Variants in NXPE1 observed in about 807,000 individuals in gnomAD.
NXPE1 encodes NXPE family member 1.
A neutral mutation model predicts 33.3 loss-of-function variants in NXPE1; 31 were observed. The ratio of observed to expected loss-of-function variants is 0.93; its 90% confidence interval spans 0.70 to 1.26. The LOEUF (loss-of-function observed/expected upper bound fraction) is 1.26, where lower values mean the gene tolerates loss of function less well. Among genes scored for constraint, NXPE1 ranks in the 50% most tolerant of loss-of-function variants. The pLI, the probability that NXPE1 is intolerant of heterozygous loss-of-function variation, is 0.00. For missense variants in NXPE1, 661 were observed against 655.6 expected (o/e 1.01, Z -0.09); for synonymous variants, 229 against 231.4 (o/e 0.99, Z 0.09).
chr11:114,550,426 A>G (rs1421716727), intron 5 of NXPE1, among the ~76,000 whole-genome samples: 8 of 152,194 alleles, frequency 5.3e-5, no homozygotes, highest in South Asian at 4.1e-4. Context: ...CTCATTATAT[A>G]TACAAATTTA....
intron 1 of NXPE1, chr11:114,554,542 T>C (rs1157313789): frequency 8.2e-6 from 2 of 244,982 alleles, no homozygotes; most frequent in Non-Finnish European, 1.3e-5. Flanking sequence ...TATCAACATT[T>C]TAAATAAACT....
downstream of NXPE1, among the ~76,000 whole-genome samples, chr11:114,520,379 C>T (rs2134880410): frequency 6.6e-6 from 1 of 152,224 alleles, no homozygotes; most frequent in South Asian, 2.1e-4. Context: ...TTCTTTCCTT[C>T]AATATTGTTA....
chr11:114,531,054 C>T, intron 5 of NXPE1, 146 bp from the exon 6 acceptor site: 1 of 721,088 alleles, frequency 1.4e-6, no homozygotes, highest in Non-Finnish European at 2.0e-6. Flanking sequence ...AATAAAGTGG[C>T]ATAATAAACC....
At chr11:114,519,088 C>T (rs1317585706), downstream of NXPE1, among the ~76,000 whole-genome samples, 1 of 152,142 alleles carries the variant, frequency 6.6e-6, no homozygotes, top group African/African-American at 2.4e-5. Context: ...CATAATGTGA[C>T]CAATTGACCC....
chr11:114,554,653 T>C (rs1948607290), intron 1 of NXPE1, among the ~76,000 whole-genome samples: 1 of 152,190 alleles, frequency 6.6e-6, no homozygotes, highest in African/African-American at 2.4e-5. Context: ...GCAATAATAA[T>C]TATGAGTGAT....
rs200711355 is a variant in NXPE1 at position 114,530,289 on chromosome 11, T to G, written c.719A>C (p.Glu240Ala). The G allele has an allele frequency of 6.2e-7, 1 of 1,614,226 alleles. No individual in the cohort carries two copies. The highest frequency in any genetic ancestry group is 2.2e-5 in the East Asian group (1 of 44,880). Reference sequence around the variant, plus strand: ...TTGAGGCTTCATACAATAGAAGGCTTCTTGGTCTCTGTCATCCAGATATTC... The same window carrying G: ...TTGAGGCTTCATACAATAGAAGGCTGCTTGGTCTCTGTCATCCAGATATTC... Residue 240 changes from glutamate to alanine, a missense_variant, in exon 6 of 9, where the codon GAA (glutamate) becomes GCA (alanine). Coordinates refer to ENST00000534921, the Ensembl canonical transcript of NXPE1.
At position 114,533,209 on chromosome 11, in the gene NXPE1, T is replaced by A. The variant is rs149987316; in HGVS notation, c.100-2301A>T. Among the ~76,000 whole-genome samples the A allele has an allele frequency of 2.8e-3, 432 of 152,268 alleles. 1 individual carries two copies. Among genetic ancestry groups the A allele is most frequent in the African/African-American group, 9.6e-3 (400 of 41,546 alleles). On this transcript the variant is annotated intron_variant, in intron 5 of 8. Coordinates refer to ENST00000534921, the Ensembl canonical transcript of NXPE1. ...TGACTGTTTGCAAAGAAACCAGAGT[T>A]AGCAAATTATTAGTATTAAGATAGC...
intron 5 of NXPE1, among the ~76,000 whole-genome samples, chr11:114,538,045 T>C (rs1385469712): frequency 6.6e-6 from 1 of 152,174 alleles, no homozygotes; most frequent in Non-Finnish European, 1.5e-5. Context: ...AAGGCTACAG[T>C]AACCAAAACA....
In NXPE1 at chr11:114,542,143, A is replaced by G. The variant is rs185378152; in HGVS notation, c.99+8960T>C. Among the ~76,000 whole-genome samples the G allele has an allele frequency of 3.0e-3, 455 of 152,280 alleles. 3 individuals carry two copies. Among genetic ancestry groups the G allele is most frequent in the African/African-American group, 0.011 (441 of 41,554 alleles). On this transcript the variant is annotated intron_variant, in intron 5 of 8. Coordinates refer to ENST00000534921, the Ensembl canonical transcript of NXPE1. Reference sequence around the variant, plus strand: ...CTTTGTAAATTGTTCCTTATGTAGCATCTCACTTTATCCTTATTTATGTCT... The same window carrying G: ...CTTTGTAAATTGTTCCTTATGTAGCGTCTCACTTTATCCTTATTTATGTCT...
chr11:114,542,787 T>A (rs1229240397), intron 5 of NXPE1, among the ~76,000 whole-genome samples: 1 of 152,066 alleles, frequency 6.6e-6, no homozygotes, highest in African/African-American at 2.4e-5. Context: ...AAAATAAACA[T>A]AATCATTAGA....
intron 1 of NXPE1, among the ~76,000 whole-genome samples, chr11:114,557,630 AATACATATAT>A (rs1948683010): frequency 3.9e-5 from 3 of 77,014 alleles, no homozygotes; most frequent in Admixed American, 2.0e-4. Flanking sequence ...TATTATATAT[AATACATATAT>A]ATATATATAT....
intron 2 of NXPE1, among the ~76,000 whole-genome samples, chr11:114,552,386 C>T (rs969441348): frequency 6.6e-6 from 1 of 152,092 alleles, no homozygotes; most frequent in Non-Finnish European, 1.5e-5. Flanking sequence ...TTCCAAAAGA[C>T]TGTCAATTTC....
exon 6 of NXPE1, chr11:114,530,608 A>G (rs1947544297): frequency 1.2e-6 from 2 of 1,613,890 alleles, no homozygotes; most frequent in Non-Finnish European, 1.7e-6. Flanking sequence ...TCCCCACCAT[A>G]TTGCTTCCTC....
At chr11:114,521,466 A>C (rs923986340), downstream of NXPE1, among the ~76,000 whole-genome samples, 1 of 152,222 alleles carries the variant, frequency 6.6e-6, no homozygotes, top group Non-Finnish European at 1.5e-5. Context: ...TGGCATAACA[A>C]GATGTCCAGG....
rs1591259562 is a variant in NXPE1 at position 114,527,748 on chromosome 11, G to A, written c.895+92C>T. 9 of 765,974 alleles carry A rather than the reference G, an allele frequency of 1.2e-5. No homozygotes were observed. In the East Asian group the frequency reaches 2.4e-4, roughly 21 times the overall value. 47.4% of individuals were successfully genotyped at this position (765,974 alleles called of 1,614,324 possible). A position where few individuals can be genotyped will look rare whatever the true frequency, so the allele number is the denominator to read the frequency against. ...GATTGACATCATAGACATCTGCTAG[G>A]AATTGTGCTCCAGGAGAACTACAAT... On this transcript the variant is annotated intron_variant, in intron 7 of 8. Coordinates refer to ENST00000534921, the Ensembl canonical transcript of NXPE1.
At chr11:114,528,274 A>T (rs1171449716) in intron 6 of NXPE1, among the ~76,000 whole-genome samples, 1 of 152,114 alleles carries the variant, frequency 6.6e-6, no homozygotes, top group Non-Finnish European at 1.5e-5. Flanking sequence ...TGGTCATGCA[A>T]GTCTCAGTTT....
chr11:114,526,431 T>G (rs1423817489), intron 7 of NXPE1: 2 of 93,412 alleles, frequency 2.1e-5, no homozygotes, highest in Middle Eastern at 4.7e-3. Context: ...TATTCCTTAG[T>G]GACATTTTAA....
chr11:114,542,439 G>A (rs1948130680), intron 5 of NXPE1, among the ~76,000 whole-genome samples: 1 of 152,066 alleles, frequency 6.6e-6, no homozygotes, highest in Non-Finnish European at 1.5e-5. Flanking sequence ...GAGGATTTAT[G>A]GTAAGGATGA....
At chr11:114,525,112 G>A (rs1167006992) in intron 7 of NXPE1, among the ~76,000 whole-genome samples, 1 of 151,846 alleles carries the variant, frequency 6.6e-6, no homozygotes, top group East Asian at 1.9e-4. Flanking sequence ...GGGTAATGGT[G>A]TGGAGATCCA....
Sources: allele counts gnomAD v4.1 joint callset (sites outside exome capture counted in the v4.1 genomes callset), GRCh38; gene constraint gnomAD v4.1.1; transcripts MANE v1.5; gene names NCBI Gene and HGNC (gene_info 2026-07-23, HGNC 2026-07-21).